The following RIMS3 variants were observed in gnomAD, a reference collection of about 807,000 sequenced individuals.
The protein encoded by RIMS3 is regulating synaptic membrane exocytosis protein 3.
RIMS3 carries 15 observed loss-of-function variants against 29.2 expected under a neutral mutation model. The observed-to-expected ratio is 0.51, with a 90% CI of 0.34 to 0.79. The LOEUF (loss-of-function observed/expected upper bound fraction) is 0.79, where lower values mean the gene tolerates loss of function less well. RIMS3 is among the 30% of genes least tolerant of loss of function. The probability of loss-of-function intolerance (pLI) is 0.01; values close to 1 mark genes in which losing one functional copy is unlikely to be tolerated. For missense variants in RIMS3, 342 were observed against 421.4 expected, an observed-to-expected ratio of 0.81 and a Z score of 1.65; for synonymous variants, 161 against 170.1, an observed-to-expected ratio of 0.95 and a Z score of 0.41.
chr1:40,665,206 C>T (rs1211563876), intron 1 of RIMS3, among the ~76,000 whole-genome samples, 188 bp downstream of exon 1: 1 of 152,018 alleles, frequency 6.6e-6, no homozygotes, highest in Admixed American at 6.5e-5. Context: ...CCACGTCCCT[C>T]TCTCATCCCT....
At chr1:40,690,601 A>T in the RIMS3 span, 1 of 152,250 alleles carries the variant, frequency 6.6e-6, no homozygotes, top group Non-Finnish European at 1.5e-5. Context: ...TTGTTCATTC[A>T]TTCATCAAAT....
At chr1:40,647,169 G>A (rs1221898872) in intron 2 of RIMS3, among the ~76,000 whole-genome samples, 4 of 152,092 alleles carry the variant, frequency 2.6e-5, no homozygotes, top group Admixed American at 6.6e-5. Context: ...GTGAGCTACC[G>A]CGCCCGGCCC....
rs1646515079 is a variant in RIMS3, at chr1:40,635,775, G to A, written c.359+141C>T. ...CAGGCACAGAGTGTTGAGGGGAGGG[G>A]TATGAAGGAAGGCAGAGACACAGAG... is the stretch of plus-strand genomic sequence containing the variant. On this transcript the variant is annotated intron_variant, in intron 4 of 7. Coordinates refer to ENST00000372684, the MANE Select transcript of RIMS3 (RefSeq NM_014747.3). The surrounding 1 kb of genome is among the most constrained non-coding windows in gnomAD (Gnocchi z 4.1). 12 of 1,056,080 alleles carry A rather than the reference G, an allele frequency of 1.1e-5. No homozygotes were observed. The South Asian group carries it at 1.7e-4, about 15-fold the overall frequency. The allele number at this position is 1,056,080 out of a possible 1,614,324, so 65.4% of individuals were successfully genotyped here.
chr1:40,639,656 C>T (rs549832813), intron 3 of RIMS3, among the ~76,000 whole-genome samples: 1 of 152,262 alleles, frequency 6.6e-6, no homozygotes, highest in South Asian at 2.1e-4. Context: ...GGTGAAGTAA[C>T]TTGCCTTAGT....
At chr1:40,651,191 C>T (rs1233786197) in intron 1 of RIMS3, among the ~76,000 whole-genome samples, 5 of 152,164 alleles carry the variant, frequency 3.3e-5, no homozygotes, top group Non-Finnish European at 5.9e-5. Context: ...ACGGTCGTTG[C>T]AGATGTGACA....
Position 40,633,151 on chromosome 1 carries a change from A to T in RIMS3, c.390T>A (p.Ala130=). 1 of 1,614,114 alleles carries T rather than the reference A, an allele frequency of 6.2e-7. No individual in the cohort carries two copies. Among genetic ancestry groups the T allele is most frequent in the African/African-American group, 1.3e-5 (1 of 75,074 alleles). ...TFIFPTTRLG[A]ESQFSDFLDG... ...CCAGGAAATCGCTGAACTGGCTTTC[A>T]GCCCCTAGCCGGGTAGTGGGGAAGA... The change falls in exon 5 of 8, where the codon GCT becomes GCA. Residue 130 remains alanine (A), a synonymous_variant. Coordinates refer to ENST00000372684, the MANE Select transcript of RIMS3 (RefSeq NM_014747.3).
upstream of RIMS3, among the ~76,000 whole-genome samples, chr1:40,670,465 T>C (rs1001499301): frequency 6.6e-6 from 1 of 151,402 alleles, no homozygotes; most frequent in African/African-American, 2.4e-5. Context: ...TGTTTCCTTG[T>C]CTGTATAATG....
intron 5 of RIMS3, among the ~76,000 whole-genome samples, chr1:40,631,334 A>G (rs1646488041): frequency 6.6e-6 from 1 of 152,146 alleles, no homozygotes; most frequent in African/African-American, 2.4e-5. Context: ...GTCATCCCTC[A>G]GTATCCATGG....
Position 40,629,013 on chromosome 1 carries a change from C to A in RIMS3, c.575-64G>T, listed in dbSNP as rs1646471583. ...GACAGACAGCTTTGGCCTGCCCATC[C>A]CCTAACTGCCAGGTGATCTTGGAGG... On this transcript the variant is annotated intron_variant, in intron 6 of 7. Transcript: ENST00000372684. 10 of 1,591,864 alleles carry A rather than the reference C, an allele frequency of 6.3e-6. No homozygotes were observed. The South Asian group carries it at 1.0e-4, about 16-fold the overall frequency.
At position 40,641,664 on chromosome 1, in the gene RIMS3, G is replaced by A. The variant is rs780494155; in HGVS notation, c.217+45C>T. ...CAGTCCCTGGGTAGTCTGTCTTTGC[G>A]AAGTGTCCCCCACCTCTACCCCGTG... is the stretch of plus-strand genomic sequence containing the variant. On this transcript the variant is annotated intron_variant, in intron 3 of 7. Coordinates refer to ENST00000372684, the MANE Select transcript of RIMS3 (RefSeq NM_014747.3). The A allele has an allele frequency of 1.1e-4, 181 of 1,585,372 alleles. 2 individuals carry two copies. In the East Asian group the frequency reaches 2.9e-3, roughly 26 times the overall value.
chr1:40,670,610 T>TATATATATA (rs1642482130), upstream of RIMS3, among the ~76,000 whole-genome samples: 1 of 35,828 alleles, frequency 2.8e-5, no homozygotes, highest in Non-Finnish European at 5.0e-5. Context: ...ATATATATAT[T>TATATATATA]TGAGATGGAG....
At chr1:40,643,224 C>T (rs553944920) in intron 2 of RIMS3, among the ~76,000 whole-genome samples, 59 of 151,954 alleles carry the variant, frequency 3.9e-4, no homozygotes, top group Non-Finnish European at 7.5e-4. Context: ...CTTTGCCTCC[C>T]GGATCCAAGC....
At chr1:40,689,386 A>C in the RIMS3 span, among the ~76,000 whole-genome samples, 2 of 152,072 alleles carry the variant, frequency 1.3e-5, no homozygotes, top group Non-Finnish European at 2.9e-5. Context: ...GGTTAAAGCA[A>C]TTCTCCTGCC....
At chr1:40,650,826 A>T (rs1452126867) in intron 1 of RIMS3, among the ~76,000 whole-genome samples, 1 of 133,552 alleles carries the variant, frequency 7.5e-6, no homozygotes, top group East Asian at 2.3e-4. Flanking sequence ...AGATTGCAAC[A>T]CTGCACTCCA....
chr1:40,670,574 T>TTATATATTTATA (rs1642480114), upstream of RIMS3, among the ~76,000 whole-genome samples: 2 of 71,190 alleles, frequency 2.8e-5, no homozygotes, highest in African/African-American at 1.4e-4. Context: ...AGTTATAATT[T>TTATATATTTATA]TATATATATA....
the RIMS3 span, among the ~76,000 whole-genome samples, chr1:40,682,132 C>T: frequency 1.3e-5 from 2 of 152,158 alleles, no homozygotes; most frequent in Non-Finnish European, 2.9e-5. Context: ...CCATGCCTGG[C>T]CTCCCTCTAA....
chr1:40,664,325 A>C (rs1642395339), intron 1 of RIMS3, among the ~76,000 whole-genome samples: 1 of 151,712 alleles, frequency 6.6e-6, no homozygotes. Context: ...GCCTGATTAC[A>C]GACTAATTGG....
At chr1:40,664,789 G>C (rs1280966888) in intron 1 of RIMS3, among the ~76,000 whole-genome samples, 1 of 152,086 alleles carries the variant, frequency 6.6e-6, no homozygotes, top group Non-Finnish European at 1.5e-5. Flanking sequence ...CTATGAATGA[G>C]AGCATGCCCA....
the RIMS3 span, among the ~76,000 whole-genome samples, chr1:40,678,608 A>C: frequency 6.6e-6 from 1 of 152,160 alleles, no homozygotes; most frequent in Non-Finnish European, 1.5e-5. Flanking sequence ...CTTGGGAGGC[A>C]AGCAGTAAGC....
Sources: allele counts gnomAD v4.1 joint callset (sites outside exome capture counted in the v4.1 genomes callset), GRCh38; gene constraint gnomAD v4.1.1; non-coding constraint Gnocchi (gnomAD v3.1); transcripts MANE v1.5; gene names NCBI Gene and HGNC (gene_info 2026-07-23, HGNC 2026-07-21).